Variants in CHST8 observed in about 807,000 individuals in gnomAD.
CHST8 encodes the protein carbohydrate sulfotransferase 8.
A neutral mutation model predicts 15.0 loss-of-function variants in CHST8; 10 were observed. The observed-to-expected ratio is 0.67, with a 90% CI of 0.41 to 1.13. The LOEUF (loss-of-function observed/expected upper bound fraction) is 1.13. CHST8 is among the 50% of genes most tolerant of loss of function. The probability of loss-of-function intolerance (pLI) is 0.00; values close to 1 mark genes in which losing one functional copy is unlikely to be tolerated. For synonymous variants in CHST8, 259 were observed against 256.6 expected (o/e 1.01, Z -0.09); for missense variants, 634 against 608.2 (o/e 1.04, Z -0.45).
intron 1 of CHST8, among the ~76,000 whole-genome samples, chr19:33,639,052 T>C (rs1266115281): frequency 7.9e-6 from 1 of 127,362 alleles, no homozygotes; most frequent in South Asian, 2.6e-4. Context: ...CAGGAGCCTC[T>C]CTCCAGTCCT....
intron 1 of CHST8, among the ~76,000 whole-genome samples, chr19:33,624,605 T>C (rs548848761): frequency 9.9e-5 from 15 of 152,204 alleles, no homozygotes; most frequent in Non-Finnish European, 2.1e-4. Flanking sequence ...GTATGGTTGT[T>C]GAGAAAGTGT....
chr19:33,703,311 G>A (rs1225759038), intron 3 of CHST8, among the ~76,000 whole-genome samples: 1 of 152,158 alleles, frequency 6.6e-6, no homozygotes, highest in Non-Finnish European at 1.5e-5. Context: ...GTCCCACCGT[G>A]TGCCAACCCT....
rs1974609386 is a variant in CHST8 at position 33,757,518 on chromosome 19, GAAA to G, written c.131-13894_131-13892del. Among the ~76,000 whole-genome samples, 6 of 54,104 alleles carry G rather than the reference GAAA, an allele frequency of 1.1e-4. 1 individual carries two copies. The highest frequency in any genetic ancestry group is 5.4e-4 in the African/African-American group (6 of 11,064). 35.5% of individuals were successfully genotyped at this position (54,104 alleles called of 152,430 possible). A position where few individuals can be genotyped will look rare whatever the true frequency, so the allele number is the denominator to read the frequency against. On this transcript the variant is annotated intron_variant, in intron 3 of 4. Transcript: ENST00000650847. ...AGAAAGAAAGAAAGAAAGAAAGAAA[GAAA>G]GAGAAAGAAAGAAAGAAAGAAAGAA...
intron 3 of CHST8, among the ~76,000 whole-genome samples, chr19:33,703,548 G>A (rs759722148): frequency 2.6e-5 from 4 of 152,220 alleles, no homozygotes; most frequent in South Asian, 2.1e-4. Flanking sequence ...AGGGGCGGGC[G>A]CGGGCCCACA....
At chr19:33,646,340 CA>C (rs1423259973) in intron 1 of CHST8, among the ~76,000 whole-genome samples, 1 of 152,054 alleles carries the variant, frequency 6.6e-6, no homozygotes, top group African/African-American at 2.4e-5. Flanking sequence ...TGTGCTATGA[CA>C]GTTTCCGGGT....
intron 2 of CHST8, among the ~76,000 whole-genome samples, chr19:33,669,679 A>G (rs991695272): frequency 6.6e-6 from 1 of 152,204 alleles, no homozygotes; most frequent in Non-Finnish European, 1.5e-5. Context: ...GAGGGCAGCC[A>G]GACCTTAACT....
chr19:33,717,081 C>A (rs915137699), intron 3 of CHST8, among the ~76,000 whole-genome samples: 2 of 152,128 alleles, frequency 1.3e-5, no homozygotes, highest in African/African-American at 4.8e-5. Context: ...GGGGCCTCAA[C>A]CCCAGCCAGT....
chr19:33,685,827 C>T (rs1972968538), intron 2 of CHST8, among the ~76,000 whole-genome samples: 1 of 152,128 alleles, frequency 6.6e-6, no homozygotes, highest in South Asian at 2.1e-4. Flanking sequence ...GCCTGGGGTC[C>T]TCCGAGGAAC....
At chr19:33,767,572 C>T (rs55919901) in intron 3 of CHST8, among the ~76,000 whole-genome samples, 37,928 of 152,200 alleles carry the variant, frequency 0.25, 4,947 homozygotes, top group African/African-American at 0.27. Context: ...TTATTCTCAC[C>T]GATGCTCTTA....
chr19:33,714,613 C>T (rs572731769), intron 3 of CHST8, among the ~76,000 whole-genome samples: 1 of 152,302 alleles, frequency 6.6e-6, no homozygotes, highest in East Asian at 1.9e-4. Flanking sequence ...GGCTGTGTCC[C>T]CATCCAAATC....
intron 1 of CHST8, among the ~76,000 whole-genome samples, chr19:33,634,677 CAAAAAA>C (rs3040761): frequency 1.1e-3 from 56 of 52,370 alleles, no homozygotes; most frequent in East Asian, 8.9e-3. Flanking sequence ...GTCACGAAAC[CAAAAAA>C]AAAAAAAAAA....
At chr19:33,636,530 GA>G (rs1972205264) in intron 1 of CHST8, among the ~76,000 whole-genome samples, 1 of 152,140 alleles carries the variant, frequency 6.6e-6, no homozygotes, top group Non-Finnish European at 1.5e-5. Context: ...TCCCGATCCA[GA>G]CCCCAAGAGA....
intron 2 of CHST8, among the ~76,000 whole-genome samples, chr19:33,670,283 A>G (rs1199941888): frequency 6.6e-6 from 1 of 152,244 alleles, no homozygotes; most frequent in Non-Finnish European, 1.5e-5. Context: ...CAAATTGCAC[A>G]CTGGGTTCTT....
chr19:33,649,555 A>G (rs1032385519), intron 1 of CHST8, among the ~76,000 whole-genome samples: 5 of 152,226 alleles, frequency 3.3e-5, no homozygotes, highest in Non-Finnish European at 7.3e-5. Flanking sequence ...AGGAAGAACT[A>G]TGAACATTCA....
At chr19:33,726,716 G>A (rs969215594) in intron 3 of CHST8, among the ~76,000 whole-genome samples, 2 of 152,082 alleles carry the variant, frequency 1.3e-5, no homozygotes, top group African/African-American at 4.8e-5. Flanking sequence ...CAGACATGGC[G>A]AGGACAGGTT....
At chr19:33,677,444 A>G (rs1265803356) in intron 2 of CHST8, among the ~76,000 whole-genome samples, 1 of 152,204 alleles carries the variant, frequency 6.6e-6, no homozygotes, top group Non-Finnish European at 1.5e-5. Context: ...GTTGTTCAAG[A>G]TAAGCAAATA....
At chr19:33,706,502 C>T (rs895004771) in intron 3 of CHST8, among the ~76,000 whole-genome samples, 15 of 152,140 alleles carry the variant, frequency 9.9e-5, no homozygotes, top group Admixed American at 1.3e-4. Context: ...CTGCTGTGAG[C>T]GTACCCTGAC....
chr19:33,720,788 C>T (rs1973775493), intron 3 of CHST8, among the ~76,000 whole-genome samples: 1 of 152,274 alleles, frequency 6.6e-6, no homozygotes, highest in Admixed American at 6.5e-5. Context: ...ATCCTCCTTC[C>T]ACTATGCAGT....
rs1005010587 is a variant in CHST8 at position 33,772,038 on chromosome 19, C to T, written c.250C>T (p.Pro84Ser). Residue 84 changes from proline to serine, a missense_variant, in exon 5 of 5, where the codon CCG becomes TCG. Transcript: ENST00000650847. ...CACTCGGGACTTATCCAGTGGGGCC[C>T]CGAGGGGCCGCAACCTGCCAGCGCC... Reference protein sequence around the residue: ...RVTRDLSSGAPRGRNLPAPDQ... With the variant: ...RVTRDLSSGASRGRNLPAPDQ... 2 of 1,612,072 alleles carry T rather than the reference C, an allele frequency of 1.2e-6. No homozygotes were observed. The highest frequency in any genetic ancestry group is 2.7e-5 in the African/African-American group (2 of 74,926).
Sources: allele counts gnomAD v4.1 joint callset (sites outside exome capture counted in the v4.1 genomes callset), GRCh38; gene constraint gnomAD v4.1.1; transcripts MANE v1.5; gene names NCBI Gene and HGNC (gene_info 2026-07-23, HGNC 2026-07-21).